The following GPR141 variants were observed in gnomAD, a reference collection of about 807,000 sequenced individuals.
GPR141 encodes the protein probable G protein-coupled receptor 141.
GPR141 carries 6 observed loss-of-function variants against 6.8 expected under a neutral mutation model. That is an observed-to-expected ratio of 0.88 (90% CI 0.48 to 1.74). GPR141 has a LOEUF of 1.74. Ranked by LOEUF, GPR141 falls within the 40% of genes most tolerant of loss-of-function variation. GPR141 has a pLI of 0.01. For synonymous variants in GPR141, 140 were observed against 142.3 expected (o/e 0.98, Z 0.11); for missense variants, 372 against 372.9 (o/e 1.00, Z 0.02).
intron 2 of GPR141, among the ~76,000 whole-genome samples, chr7:37,690,519 A>C (rs1809709471): frequency 6.6e-6 from 1 of 152,178 alleles, no homozygotes; most frequent in Non-Finnish European, 1.5e-5. Flanking sequence ...AGATACTGGC[A>C]CTATGCTTAC....
chr7:37,702,810 A>ATAAAT (rs370670425), intron 2 of GPR141, among the ~76,000 whole-genome samples: 58,735 of 118,576 alleles, frequency 0.5, 12,165 homozygotes, highest in Admixed American at 0.58. Context: ...TCAATTCAAA[A>ATAAAT]AAAAAAATAA....
rs771433068 is a variant in GPR141, at chr7:37,741,009, T to C, written c.616T>C (p.Leu206=). 1.9e-6 allele frequency: 3 copies of C among 1,613,940 alleles called. No individual in the cohort carries two copies. Among genetic ancestry groups the C allele is most frequent in the Non-Finnish European group, 2.5e-6 (3 of 1,179,940 alleles). ...LLVFQVFIIM[L]MVQKLRHSLL... ...GGTCTTCCAGGTCTTCATCATTATG[T>C]TGATGGTGCAGAAGCTACGCCACTC... is the stretch of plus-strand genomic sequence containing the variant. The change falls in exon 3 of 3, where the codon TTG becomes CTG. Residue 206 remains leucine (L), a synonymous_variant. Coordinates refer to ENST00000334425, the MANE Select transcript of GPR141 (RefSeq NM_001381946.1).
At chr7:37,737,616 T>C (rs183390437) in intron 2 of GPR141, among the ~76,000 whole-genome samples, 117 of 152,298 alleles carry the variant, frequency 7.7e-4, no homozygotes, top group Non-Finnish European at 1.4e-3. Flanking sequence ...TTATTGTTAG[T>C]GTATTTTCTA....
Position 37,698,376 on chromosome 7 carries a change from A to T in GPR141, c.-15+12793A>T, listed in dbSNP as rs116849159. Among the ~76,000 whole-genome samples the T allele has an allele frequency of 7.9e-4, 121 of 152,356 alleles. No homozygotes were observed. In the East Asian group the frequency reaches 0.022, roughly 27 times the overall value. On this transcript the variant is annotated intron_variant, in intron 2 of 2. Coordinates refer to ENST00000334425, the MANE Select transcript of GPR141 (RefSeq NM_001381946.1). ...TTATAACATCTATAAATAAAAACAA[A>T]CTATCCTGTCTCACTATTCCATCAG...
At chr7:37,695,649 T>C (rs1032274263) in intron 2 of GPR141, among the ~76,000 whole-genome samples, 8 of 152,202 alleles carry the variant, frequency 5.3e-5, no homozygotes, top group African/African-American at 1.9e-4. Context: ...TATTACTTCT[T>C]TTAGGAACTC....
chr7:37,688,422 A>C (rs1809610269), intron 2 of GPR141, among the ~76,000 whole-genome samples: 1 of 152,022 alleles, frequency 6.6e-6, no homozygotes, highest in African/African-American at 2.4e-5. Context: ...ACAAGAGCAA[A>C]ACTCCATTTG....
At chr7:37,731,616 C>CT (rs59623964) in intron 2 of GPR141, among the ~76,000 whole-genome samples, 13,371 of 151,318 alleles carry the variant, frequency 0.088, 900 homozygotes, top group East Asian at 0.3. Flanking sequence ...GCTAATTTTT[C>CT]TTTTTTTTTG....
chr7:37,736,873 A>G (rs1040494733), intron 2 of GPR141, among the ~76,000 whole-genome samples: 3 of 152,202 alleles, frequency 2.0e-5, no homozygotes, highest in African/African-American at 7.2e-5. Context: ...AAATCAATGG[A>G]TAAGAAAACT....
chr7:37,735,499 T>G (rs538505049), intron 2 of GPR141, among the ~76,000 whole-genome samples: 1 of 152,246 alleles, frequency 6.6e-6, no homozygotes, highest in African/African-American at 2.4e-5. Context: ...TAGCTAAAAT[T>G]ACAAAGGGGG....
Position 37,741,558 on chromosome 7 carries a change from TA to T in GPR141, c.*248del, listed in dbSNP as rs1393566589. Among the ~76,000 whole-genome samples the T allele has an allele frequency of 6.6e-6, 1 of 152,230 alleles. No homozygotes were observed. Among genetic ancestry groups the T allele is most frequent in the Non-Finnish European group, 1.5e-5 (1 of 68,032 alleles). On this transcript the variant is annotated 3_prime_UTR_variant, in exon 3 of 3. Coordinates refer to ENST00000334425, the MANE Select transcript of GPR141 (RefSeq NM_001381946.1). Reference sequence around the variant, plus strand: ...GTTGCAATATTACATTATTTTCCAGTACAGAATGTCTGTGTGGCCCATGAAA... The same window carrying T: ...GTTGCAATATTACATTATTTTCCAGTCAGAATGTCTGTGTGGCCCATGAAA...
intron 2 of GPR141, among the ~76,000 whole-genome samples, chr7:37,711,281 T>G (rs889690103): frequency 6.6e-6 from 1 of 152,214 alleles, no homozygotes; most frequent in Non-Finnish European, 1.5e-5. Flanking sequence ...GCCCTGGTGA[T>G]GCTGATGCTG....
chr7:37,710,216 C>T (rs1016186884), intron 2 of GPR141, among the ~76,000 whole-genome samples: 4 of 151,906 alleles, frequency 2.6e-5, no homozygotes, highest in Admixed American at 2.0e-4. Context: ...TTTTTCTGCC[C>T]TTACTCTTTT....
At chr7:37,735,762 C>T (rs984952033) in intron 2 of GPR141, among the ~76,000 whole-genome samples, 31 of 151,900 alleles carry the variant, frequency 2.0e-4, no homozygotes, top group Admixed American at 3.9e-4. Flanking sequence ...ATGTTCTTGA[C>T]GAGCCTTTTG....
chr7:37,704,028 G>A (rs1345548287), intron 2 of GPR141, among the ~76,000 whole-genome samples: 2 of 152,130 alleles, frequency 1.3e-5, no homozygotes, highest in South Asian at 2.1e-4. Flanking sequence ...CCTTCTGCCA[G>A]ATACCCAGAA....
At chr7:37,734,968 AAGTT>A (rs1476058510) in intron 2 of GPR141, among the ~76,000 whole-genome samples, 3 of 152,254 alleles carry the variant, frequency 2.0e-5, no homozygotes, top group South Asian at 2.1e-4. Context: ...AAATTTATAA[AAGTT>A]AGGGAACTAA....
chr7:37,712,174 A>C (rs1462490625), intron 2 of GPR141, among the ~76,000 whole-genome samples: 2 of 152,168 alleles, frequency 1.3e-5, no homozygotes, highest in Non-Finnish European at 2.9e-5. Flanking sequence ...AGAAGTCCCA[A>C]GGGGGAGAGT....
At chr7:37,699,273 A>G (rs1469631544) in intron 2 of GPR141, among the ~76,000 whole-genome samples, 2 of 152,190 alleles carry the variant, frequency 1.3e-5, no homozygotes, top group Non-Finnish European at 2.9e-5. Context: ...ATGTAAACAC[A>G]TAGGTGGGCC....
chr7:37,715,044 TTTTA>T (rs1441316285), intron 2 of GPR141, among the ~76,000 whole-genome samples: 1 of 152,240 alleles, frequency 6.6e-6, no homozygotes, highest in African/African-American at 2.4e-5. Context: ...TTTTAAAGTT[TTTTA>T]TTTATTATTA....
chr7:37,735,006 T>G (rs755959438), intron 2 of GPR141, among the ~76,000 whole-genome samples: 3 of 152,244 alleles, frequency 2.0e-5, no homozygotes, highest in Non-Finnish European at 2.9e-5. Flanking sequence ...GGGAGGAAGT[T>G]ACCTTTCTCT....
Sources: allele counts gnomAD v4.1 joint callset (sites outside exome capture counted in the v4.1 genomes callset), GRCh38; gene constraint gnomAD v4.1.1; transcripts MANE v1.5; gene names NCBI Gene and HGNC (gene_info 2026-07-23, HGNC 2026-07-21).